The following AFF4 variants were observed in gnomAD, a reference collection of about 807,000 sequenced individuals.
The protein encoded by AFF4 is ALF transcription elongation factor 4, also known as AF4/FMR2 family member 4.
In AFF4, 13 loss-of-function variants were observed where a neutral mutation model predicts 124.8. The ratio of observed to expected loss-of-function variants is 0.10; its 90% CI spans 0.07 to 0.17. AFF4 has a LOEUF of 0.17. Ranked by LOEUF, AFF4 falls within the 10% of genes least tolerant of loss-of-function variation. AFF4 has a pLI of 1.00. For missense variants in AFF4, 1,092 were observed against 1,403.8 expected, an observed-to-expected ratio of 0.78 and a Z score of 3.55; for synonymous variants, 477 against 496.1, an observed-to-expected ratio of 0.96 and a Z score of 0.51.
chr5:132,880,511 G>T lies in AFF4; in HGVS notation c.*548C>A. ...TAAATTCCACAATAATAAAATTGGAGTTAAGATTTCAAATATCAGGTCAGG... is the reference window on the plus strand; with the variant it reads ...TAAATTCCACAATAATAAAATTGGATTTAAGATTTCAAATATCAGGTCAGG... On this transcript the variant is annotated 3_prime_UTR_variant, in exon 21 of 21. Coordinates refer to ENST00000265343, the MANE Select transcript of AFF4 (RefSeq NM_014423.4). 2.5e-6 allele frequency: 1 copy of T among 395,858 alleles called. No individual in the cohort carries two copies. Among genetic ancestry groups the T allele is most frequent in the East Asian group, 3.6e-5 (1 of 27,876 alleles). The allele number at this position is 395,858 out of a possible 1,614,324, so 24.5% of individuals were successfully genotyped here.
intron 1 of AFF4, among the ~76,000 whole-genome samples, chr5:132,941,850 A>T (rs1204428453): frequency 1.3e-5 from 2 of 152,010 alleles, no homozygotes; most frequent in Non-Finnish European, 2.9e-5. Flanking sequence ...TCTACTAAAA[A>T]TACAAAAATT....
At chr5:132,891,457 A>C (rs2150068990) in intron 13 of AFF4, among the ~76,000 whole-genome samples, 1 of 152,330 alleles carries the variant, frequency 6.6e-6, no homozygotes, top group Admixed American at 6.5e-5. Flanking sequence ...AAACAAATTG[A>C]GGTTGAGTGA....
In AFF4 at chr5:132,932,215, G is replaced by A; in HGVS notation, c.926C>T (p.Ala309Val). 2 of 1,606,338 alleles carry A rather than the reference G, an allele frequency of 1.2e-6. No individual in the cohort carries two copies. The highest frequency in any genetic ancestry group is 1.1e-5 in the South Asian group (1 of 88,970). ...ATCCACACAGCTCACATCACCAGAA[G>A]CTGATGCCTTGAAAGAAAAAGCAGC... is the stretch of plus-strand genomic sequence containing the variant. ...KIPSQPLDASASGDVSCVDEI... is the reference protein window; with the variant it reads ...KIPSQPLDASVSGDVSCVDEI... Residue 309 changes from alanine to valine, a missense_variant, in exon 4 of 21, where the codon GCT (alanine) becomes GTT (valine). By Grantham distance (64) the Ala-to-Val change is moderately conservative. Around this residue, in one of 11 missense-constraint regions of AFF4, gnomAD observed 148 missense variants for 196.3 expected, o/e 0.75. Transcript: ENST00000265343.
In AFF4 at chr5:132,879,908, G is replaced by GAAGATAGGTTTA. The variant is rs1200977094; in HGVS notation, c.*1139_*1150dup. Reference sequence around the variant, plus strand: ...CTTCATAATGCAAAAGGAGTAAACAGAAGATAGGTTTAAAAAGGAGAAATT... The same window carrying GAAGATAGGTTTA: ...CTTCATAATGCAAAAGGAGTAAACAGAAGATAGGTTTAAAGATAGGTTTAAAAAGGAGAAATT... On this transcript the variant is annotated 3_prime_UTR_variant, in exon 21 of 21. Transcript: ENST00000265343. 3.6e-6 allele frequency: 1 copy of GAAGATAGGTTTA among 281,644 alleles called. No individual in the cohort carries two copies. Among genetic ancestry groups the GAAGATAGGTTTA allele is most frequent in the East Asian group, 5.2e-5 (1 of 19,158 alleles). The allele number at this position is 281,644 out of a possible 1,614,324, so 17.4% of individuals were successfully genotyped here. A position where few individuals can be genotyped will look rare whatever the true frequency, so the allele number is the denominator to read the frequency against.
At chr5:132,945,024 G>A in intron 1 of AFF4, 1 of 192,742 alleles carries the variant, frequency 5.2e-6, no homozygotes, top group Admixed American at 4.8e-5. Context: ...CATCGAGTCT[G>A]CCCAGAAAGC....
chr5:132,936,241 T>TG (rs1242342389), intron 2 of AFF4, among the ~76,000 whole-genome samples: 1 of 109,268 alleles, frequency 9.2e-6, no homozygotes, highest in African/African-American at 3.6e-5. Flanking sequence ...CACTCCAACC[T>TG]GGGCGACAGA....
At chr5:132,919,499 T>C (rs1483483610) in intron 5 of AFF4, among the ~76,000 whole-genome samples, 1 of 152,146 alleles carries the variant, frequency 6.6e-6, no homozygotes, top group Non-Finnish European at 1.5e-5. Context: ...TGTAACAATA[T>C]AGAAAAATTA....
chr5:132,924,203 G>A (rs1005868028), intron 5 of AFF4, among the ~76,000 whole-genome samples: 8 of 152,132 alleles, frequency 5.3e-5, no homozygotes, highest in Middle Eastern at 3.4e-3. Flanking sequence ...GCAGTGAGCC[G>A]AGATCATGCC....
At chr5:132,949,097 T>C (rs1046579902) in intron 1 of AFF4, among the ~76,000 whole-genome samples, 3 of 151,660 alleles carry the variant, frequency 2.0e-5, no homozygotes, top group Admixed American at 1.3e-4. Context: ...TAAAAACTGC[T>C]ACTAGACAAA....
At chr5:132,902,124 T>A (rs1322665767) in intron 7 of AFF4, among the ~76,000 whole-genome samples, 3 of 152,218 alleles carry the variant, frequency 2.0e-5, no homozygotes, top group Non-Finnish European at 2.9e-5. Context: ...CTCGGCTCCC[T>A]ACAACCTCCA....
At chr5:132,961,520 C>G (rs993710003) in intron 1 of AFF4, among the ~76,000 whole-genome samples, 2 of 151,956 alleles carry the variant, frequency 1.3e-5, no homozygotes, top group African/African-American at 4.8e-5. Flanking sequence ...CCACCAGGCC[C>G]GGCTGCAGAA....
In AFF4 at chr5:132,908,773, TA is replaced by T. The variant is rs1286323432; in HGVS notation, c.1051-4370del. Among the ~76,000 whole-genome samples, 161 of 97,018 alleles carry T rather than the reference TA, an allele frequency of 1.7e-3. 2 individuals are homozygous for T. Among genetic ancestry groups the T allele is most frequent in the African/African-American group, 2.5e-3 (59 of 23,652 alleles). The allele number at this position is 97,018 out of a possible 152,430, so 63.6% of individuals were successfully genotyped here. On this transcript the variant is annotated intron_variant, in intron 5 of 20. Coordinates refer to ENST00000265343, the MANE Select transcript of AFF4 (RefSeq NM_014423.4). ...ATATATATACATATATATATATATA[TA>T]TATTTTTTTTTTTTGAGACGGAATC...
intron 1 of AFF4, chr5:132,943,886 C>T (rs540967494): frequency 3.5e-5 from 7 of 202,390 alleles, no homozygotes; most frequent in East Asian, 1.1e-4. Flanking sequence ...AAGGGAAAGA[C>T]GGATTGCCAT....
chr5:132,918,089 TA>T (rs1760957109), intron 5 of AFF4, among the ~76,000 whole-genome samples: 4 of 151,190 alleles, frequency 2.6e-5, no homozygotes, highest in Non-Finnish European at 5.9e-5. Flanking sequence ...CCATTTATAA[TA>T]GCACTAAAAA....
chr5:132,927,007 T>C (rs1761188169), intron 5 of AFF4, 114 bp downstream of exon 5: 1 of 779,632 alleles, frequency 1.3e-6, no homozygotes. Flanking sequence ...TTCACTTATT[T>C]ACTGTCTGTC....
In AFF4 at chr5:132,896,323, C is replaced by G; in HGVS notation, c.2307G>C (p.Lys769Asn). 6.3e-7 allele frequency: 1 copy of G among 1,583,442 alleles called. No homozygotes were observed. Among genetic ancestry groups the G allele is most frequent in the Non-Finnish European group, 8.5e-7 (1 of 1,170,766 alleles). ...KVSNKGKRKHKNEDDNRASES... is the reference protein window; with the variant it reads ...KVSNKGKRKHNNEDDNRASES... ...CAAACAACAAAAACCCTTCACAAAC[C>G]TTATGCTTCCTCTTGCCTTTGTTGG... The change falls in exon 11 of 21, where the codon AAG (lysine) becomes AAC (asparagine). Residue 769 changes from lysine (K) to asparagine (N), a missense_variant and splice_region_variant. Physicochemically the swap from Lys to Asn is moderately conservative, Grantham distance 94. Transcript: ENST00000265343.
intron 6 of AFF4, chr5:132,904,143 G>A (rs1432267842): frequency 4.5e-6 from 2 of 448,650 alleles, no homozygotes; most frequent in East Asian, 1.1e-4. Context: ...CACAGTCCCA[G>A]CTACTCAGTA....
intron 5 of AFF4, among the ~76,000 whole-genome samples, chr5:132,919,967 G>C (rs1229280531): frequency 2.0e-5 from 3 of 151,380 alleles, no homozygotes; most frequent in African/African-American, 7.3e-5. Context: ...AACACAGAGA[G>C]ACCTGGTCTC....
intron 3 of AFF4, 54 bp downstream of exon 3, chr5:132,934,093 C>A: frequency 6.6e-7 from 1 of 1,523,258 alleles, no homozygotes; most frequent in South Asian, 1.3e-5. Context: ...ATTTCATGAT[C>A]AGTCAATTGC....
Sources: allele counts gnomAD v4.1 joint callset (sites outside exome capture counted in the v4.1 genomes callset), GRCh38; gene constraint gnomAD v4.1.1; regional missense constraint gnomAD v4.1.1; transcripts MANE v1.5; gene names NCBI Gene and HGNC (gene_info 2026-07-23, HGNC 2026-07-21).